The following RPS6KC1 variants were observed in gnomAD, a reference collection of about 807,000 sequenced individuals.
RPS6KC1 encodes ribosomal protein S6 kinase C1.
In RPS6KC1, 54 loss-of-function variants were observed where a neutral mutation model predicts 103.8. That is an observed-to-expected ratio of 0.52 (90% CI 0.42 to 0.65). The LOEUF is 0.65. RPS6KC1 is among the 30% of genes least tolerant of loss of function. The pLI is 0.00. For synonymous variants in RPS6KC1, 439 were observed against 438.7 expected, an observed-to-expected ratio of 1.00 and a Z score of -0.01; for missense variants, 1,151 against 1,253.8, an observed-to-expected ratio of 0.92 and a Z score of 1.24.
intron 12 of RPS6KC1, among the ~76,000 whole-genome samples, chr1:213,253,779 TCTTTC>T (rs572720664): frequency 7.2e-5 from 11 of 152,218 alleles, no homozygotes; most frequent in Non-Finnish European, 1.5e-4. Flanking sequence ...GTACTGTTCT[TCTTTC>T]CTTTCCTTTC....
chr1:213,193,295 G>A (rs1189535352), intron 8 of RPS6KC1, among the ~76,000 whole-genome samples: 1 of 152,122 alleles, frequency 6.6e-6, no homozygotes, highest in Non-Finnish European at 1.5e-5. Flanking sequence ...GACTCGCTCT[G>A]TTGCCCAGGC....
the RPS6KC1 span, among the ~76,000 whole-genome samples, chr1:213,530,739 G>C: frequency 6.6e-6 from 1 of 152,216 alleles, no homozygotes; most frequent in Non-Finnish European, 1.5e-5. Flanking sequence ...TGTTTCCCCA[G>C]ATCTGCTTGC....
chr1:213,145,607 C>T (rs1021939608), intron 6 of RPS6KC1, among the ~76,000 whole-genome samples: 3 of 152,090 alleles, frequency 2.0e-5, no homozygotes, highest in Admixed American at 6.6e-5. Context: ...GAAGTAGTCT[C>T]AGAAACCTCA....
the RPS6KC1 span, among the ~76,000 whole-genome samples, chr1:213,859,633 A>C: frequency 1.7e-3 from 261 of 152,316 alleles, 5 homozygotes; most frequent in Admixed American, 0.013. Context: ...CTTGTGGGCT[A>C]TAGTTTTCTG....
the RPS6KC1 span, among the ~76,000 whole-genome samples, chr1:213,477,715 A>T: frequency 9.6e-4 from 147 of 152,346 alleles, no homozygotes; most frequent in Middle Eastern, 0.01. Context: ...TCAGATTTTT[A>T]AAAAATTAAT....
the RPS6KC1 span, among the ~76,000 whole-genome samples, chr1:213,764,841 G>A: frequency 1.3e-5 from 2 of 152,188 alleles, no homozygotes; most frequent in African/African-American, 4.8e-5. Flanking sequence ...AAGGGCGAGT[G>A]TCTTTCTCCA....
intron 12 of RPS6KC1, among the ~76,000 whole-genome samples, chr1:213,260,756 C>CAAAA (rs35685015): frequency 8.2e-6 from 1 of 121,680 alleles, no homozygotes; most frequent in Non-Finnish European, 1.7e-5. Flanking sequence ...CTAAAAGCCT[C>CAAAA]AAAAAAAAAA....
chr1:213,100,556 A>G (rs746312199), intron 3 of RPS6KC1, among the ~76,000 whole-genome samples: 8 of 152,170 alleles, frequency 5.3e-5, no homozygotes, highest in Non-Finnish European at 2.9e-5. Flanking sequence ...AGTACCCAAT[A>G]GATAGTTTCT....
chr1:213,766,947 A>T, the RPS6KC1 span, among the ~76,000 whole-genome samples: 7 of 152,228 alleles, frequency 4.6e-5, no homozygotes, highest in African/African-American at 1.2e-4. Flanking sequence ...CCCGGTTTTT[A>T]TATTTTAAAT....
chr1:213,279,783 A>C, the RPS6KC1 span, among the ~76,000 whole-genome samples: 9 of 152,212 alleles, frequency 5.9e-5, no homozygotes, highest in African/African-American at 2.2e-4. Flanking sequence ...AATTATTTCC[A>C]AATAAAAGCT....
the RPS6KC1 span, among the ~76,000 whole-genome samples, chr1:213,490,371 G>T: frequency 2.6e-5 from 4 of 152,136 alleles, no homozygotes; most frequent in Admixed American, 6.6e-5. Context: ...CAGAGGTGCC[G>T]GCTGAAGAGT....
chr1:213,341,106 C>A, the RPS6KC1 span, among the ~76,000 whole-genome samples: 3 of 152,212 alleles, frequency 2.0e-5, no homozygotes, highest in Non-Finnish European at 2.9e-5. Context: ...CAAATGCCAT[C>A]CTGTGTAACC....
intron 6 of RPS6KC1, among the ~76,000 whole-genome samples, chr1:213,137,775 C>CTCTCTCTCTCTCTCTCTA (rs1295773311): frequency 6.2e-5 from 2 of 32,232 alleles, no homozygotes; most frequent in African/African-American, 2.0e-4. Flanking sequence ...CTCTCTCTCT[C>CTCTCTCTCTCTCTCTCTA]TCTATATATA....
intron 6 of RPS6KC1, among the ~76,000 whole-genome samples, chr1:213,162,905 AG>A (rs1230020493): frequency 2.0e-5 from 3 of 152,212 alleles, no homozygotes; most frequent in Admixed American, 6.5e-5. Flanking sequence ...AAACATTAAT[AG>A]GGGGTTGACT....
intron 3 of RPS6KC1, among the ~76,000 whole-genome samples, chr1:213,083,836 A>G (rs138647570): frequency 6.6e-6 from 1 of 152,288 alleles, no homozygotes; most frequent in African/African-American, 2.4e-5. Flanking sequence ...CATATGCAGA[A>G]GGGATGGTAT....
intron 6 of RPS6KC1, among the ~76,000 whole-genome samples, chr1:213,145,193 GAC>G (rs2087598300): frequency 6.6e-6 from 1 of 152,150 alleles, no homozygotes; most frequent in Non-Finnish European, 1.5e-5. Context: ...GGTAATGAAA[GAC>G]AGTGATTTCT....
At chr1:213,230,025 T>C (rs2094053637) in intron 8 of RPS6KC1, among the ~76,000 whole-genome samples, 1 of 151,932 alleles carries the variant, frequency 6.6e-6, no homozygotes, top group Non-Finnish European at 1.5e-5. Flanking sequence ...TGGAAAGGGG[T>C]GTTAAGGTGA....
the RPS6KC1 span, among the ~76,000 whole-genome samples, chr1:213,314,745 T>C: frequency 6.6e-6 from 1 of 151,914 alleles, no homozygotes; most frequent in Non-Finnish European, 1.5e-5. Context: ...CTGTTATGAA[T>C]TGCCCAAAAT....
At chr1:213,603,125 T>C in the RPS6KC1 span, among the ~76,000 whole-genome samples, 2 of 152,188 alleles carry the variant, frequency 1.3e-5, no homozygotes, top group Non-Finnish European at 2.9e-5. Context: ...AGGGCAGATA[T>C]TATTATTTTT....
Sources: allele counts gnomAD v4.1 joint callset (sites outside exome capture counted in the v4.1 genomes callset), GRCh38; gene constraint gnomAD v4.1.1; transcripts MANE v1.5; gene names NCBI Gene and HGNC (gene_info 2026-07-23, HGNC 2026-07-21).